The following AFG1L variants were observed in gnomAD, a reference collection of about 807,000 sequenced individuals.
AFG1L encodes AFG1 like ATPase.
Under a neutral mutation model 62.2 loss-of-function variants are expected in AFG1L, and 53 were observed. The ratio of observed to expected loss-of-function variants is 0.85; its 90% CI spans 0.68 to 1.07. The LOEUF is 1.07. AFG1L is among the 50% of genes least tolerant of loss of function. The probability of loss-of-function intolerance (pLI) is 0.00; values close to 1 mark genes in which losing one functional copy is unlikely to be tolerated. For synonymous variants in AFG1L, 228 were observed against 210.3 expected (o/e 1.08, Z -0.73); for missense variants, 555 against 590.5 (o/e 0.94, Z 0.62).
chr6:108,362,147 G>A (rs1471646332), intron 5 of AFG1L, among the ~76,000 whole-genome samples: 1 of 151,988 alleles, frequency 6.6e-6, no homozygotes, highest in East Asian at 1.9e-4. Flanking sequence ...CAGAACCCAA[G>A]GTATATTATA....
intron 7 of AFG1L, among the ~76,000 whole-genome samples, chr6:108,412,452 A>C (rs1334986155): frequency 6.6e-6 from 1 of 152,146 alleles, no homozygotes; most frequent in Non-Finnish European, 1.5e-5. Flanking sequence ...CAACTCCAAG[A>C]CACGTAATTG....
chr6:108,424,230 G>A (rs1194531436), intron 7 of AFG1L, among the ~76,000 whole-genome samples: 1 of 152,008 alleles, frequency 6.6e-6, no homozygotes, highest in Admixed American at 6.6e-5. Flanking sequence ...TGTAAATGAT[G>A]GGATTGGACT....
At chr6:108,377,813 GT>G (rs1780315261) in intron 6 of AFG1L, among the ~76,000 whole-genome samples, 1 of 146,342 alleles carries the variant, frequency 6.8e-6, no homozygotes, top group East Asian at 2.0e-4. Context: ...GATAAGGAAA[GT>G]TTCCTTTTTT....
chr6:108,392,291 T>C (rs1781090768), intron 6 of AFG1L: 1 of 152,228 alleles, frequency 6.6e-6, no homozygotes, highest in South Asian at 2.1e-4. Context: ...CGCTTTCTGA[T>C]CATTAAATGT....
chr6:108,346,843 A>G (rs1778881206), intron 2 of AFG1L, 145 bp from the exon 3 acceptor site: 2 of 611,810 alleles, frequency 3.3e-6, no homozygotes, highest in Non-Finnish European at 5.8e-6. Context: ...TCAGCTTTAA[A>G]CACTTTTATA....
intron 3 of AFG1L, among the ~76,000 whole-genome samples, chr6:108,355,267 C>T (rs1168659182): frequency 1.3e-5 from 2 of 151,884 alleles, no homozygotes; most frequent in African/African-American, 4.8e-5. Flanking sequence ...TGAATTTTCC[C>T]ATAGTGCCTA....
At chr6:108,492,957 C>G (rs143761319) in intron 10 of AFG1L, among the ~76,000 whole-genome samples, 112 of 151,786 alleles carry the variant, frequency 7.4e-4, no homozygotes, top group Admixed American at 2.2e-3. Context: ...CACACACACA[C>G]AGAGAGAGAC....
intron 7 of AFG1L, among the ~76,000 whole-genome samples, chr6:108,404,945 G>T (rs1167888113): frequency 6.6e-6 from 1 of 152,020 alleles, no homozygotes; most frequent in African/African-American, 2.4e-5. Context: ...GGCCAGGCTG[G>T]TCTCAAACTC....
rs944074426 is a variant in AFG1L, at chr6:108,447,271, C to G, written c.865C>G (p.Pro289Ala). 1 of 1,606,336 alleles carries G rather than the reference C, an allele frequency of 6.2e-7. No individual in the cohort carries two copies. The highest frequency in any genetic ancestry group is 8.5e-7 in the Non-Finnish European group (1 of 1,173,296). Reference protein sequence around the residue: ...SGIDYRKRELPAAGKLYYLTS... With the variant: ...SGIDYRKRELAAAGKLYYLTS... ...GATAGATTACCGGAAAAGGGAACTT[C>G]CTGCTGCAGGAAAACTCTACTACCT... is the stretch of plus-strand genomic sequence containing the variant. The change falls in exon 8 of 13, where the codon CCT becomes GCT. Residue 289 changes from proline (P) to alanine (A), a missense_variant. Transcript: ENST00000368977.
rs908975901 is a variant in AFG1L at position 108,523,163 on chromosome 6, G to A, written c.*738G>A. ...TGCAGCCAGGAATGGGGACCAGTGA[G>A]AGAGTGTGGGCGGGGGGGTGGGTGT... On this transcript the variant is annotated 3_prime_UTR_variant, in exon 13 of 13. Transcript: ENST00000368977. The A allele has an allele frequency of 1.7e-4, 26 of 148,586 alleles. No individual in the cohort carries two copies. Among genetic ancestry groups the A allele is most frequent in the African/African-American group, 6.2e-4 (25 of 40,156 alleles). 9.2% of individuals were successfully genotyped at this position (148,586 alleles called of 1,614,324 possible). A position where few individuals can be genotyped will look rare whatever the true frequency, so the allele number is the denominator to read the frequency against.
intron 6 of AFG1L, among the ~76,000 whole-genome samples, chr6:108,394,462 T>A (rs78653765): frequency 1.3e-5 from 2 of 152,010 alleles, no homozygotes; most frequent in South Asian, 2.1e-4. Context: ...CCGTTTTTTT[T>A]ATCTGTCACT....
At position 108,315,997 on chromosome 6, in the gene AFG1L, T is replaced by G. The variant is rs375812185; in HGVS notation, c.140-7828T>G. Among the ~76,000 whole-genome samples, 11 of 152,088 alleles carry G rather than the reference T, an allele frequency of 7.2e-5. No homozygotes were observed. In the South Asian group the frequency reaches 1.7e-3, roughly 23 times the overall value. ...GGAAGGTTGAGGCTGCAGTGAGCCA[T>G]GATCATGCCACTGCACTCCAGCATA... is the stretch of plus-strand genomic sequence containing the variant. On this transcript the variant is annotated intron_variant, in intron 1 of 12. Transcript: ENST00000368977.
intron 8 of AFG1L, among the ~76,000 whole-genome samples, chr6:108,471,991 C>A (rs1404749113): frequency 6.6e-6 from 1 of 152,020 alleles, no homozygotes; most frequent in East Asian, 1.9e-4. Flanking sequence ...TCTATATACA[C>A]AATGGAATAT....
chr6:108,346,171 C>T (rs1778856252), intron 2 of AFG1L, among the ~76,000 whole-genome samples: 1 of 152,146 alleles, frequency 6.6e-6, no homozygotes, highest in Admixed American at 6.6e-5. Flanking sequence ...GGTAAATACA[C>T]ACATAAGATT....
intron 6 of AFG1L, among the ~76,000 whole-genome samples, chr6:108,368,835 G>A (rs1779867950): frequency 6.6e-6 from 1 of 152,218 alleles, no homozygotes; most frequent in Non-Finnish European, 1.5e-5. Context: ...ATTAAGGAAT[G>A]TTTTGCAGCT....
chr6:108,375,567 C>T (rs1444227286), intron 6 of AFG1L, among the ~76,000 whole-genome samples: 1 of 152,142 alleles, frequency 6.6e-6, no homozygotes, highest in Non-Finnish European at 1.5e-5. Context: ...ACTTTTTCTG[C>T]ATCTATTGAG....
At chr6:108,369,947 G>T (rs58899022) in intron 6 of AFG1L, among the ~76,000 whole-genome samples, 74,025 of 129,574 alleles carry the variant, frequency 0.57, 21,060 homozygotes, top group Middle Eastern at 0.66. Flanking sequence ...TGGCTGGCTG[G>T]CTATCTATCT....
chr6:108,318,789 G>A (rs772380142), intron 1 of AFG1L, among the ~76,000 whole-genome samples: 111 of 152,272 alleles, frequency 7.3e-4, no homozygotes, highest in Admixed American at 7.9e-4. Flanking sequence ...TGGAACTTCC[G>A]AATGGCATTT....
intron 8 of AFG1L, among the ~76,000 whole-genome samples, chr6:108,459,234 CT>C (rs1311452796): frequency 2.0e-5 from 3 of 152,152 alleles, no homozygotes; most frequent in Non-Finnish European, 2.9e-5. Flanking sequence ...GTCTCTATAT[CT>C]TTTTTTCCAG....
Sources: gnomAD v4.1 joint callset for allele counts (sites outside exome capture counted in the v4.1 genomes callset) on GRCh38, gnomAD v4.1.1 for gene constraint, MANE v1.5 for transcripts, NCBI Gene and HGNC (gene_info 2026-07-23, HGNC 2026-07-21) for gene names.